RBFOX1: variants seen among roughly 807,000 people sequenced by gnomAD.
The protein encoded by RBFOX1 is RNA binding protein fox-1 homolog 1.
RBFOX1 carries 8 observed loss-of-function variants against 57.7 expected under a neutral mutation model. That is an observed-to-expected ratio of 0.14 (90% CI 0.08 to 0.25). The LOEUF (loss-of-function observed/expected upper bound fraction) is 0.25, where lower values mean the gene tolerates loss of function less well. RBFOX1 is among the 10% of genes least tolerant of loss of function. RBFOX1 has a pLI of 1.00. For synonymous variants in RBFOX1, 326 were observed against 222.4 expected, an observed-to-expected ratio of 1.47 and a Z score of -4.15; for missense variants, 611 against 548.5, an observed-to-expected ratio of 1.11 and a Z score of -1.14.
chr16:7,045,604 C>T (rs1399932501), intron 3 of RBFOX1, among the ~76,000 whole-genome samples: 2 of 151,950 alleles, frequency 1.3e-5, no homozygotes, highest in African/African-American at 4.8e-5. Context: ...CTGGCAAATC[C>T]TTGTGATATT....
chr16:5,982,125 C>T (rs1225053093), intron 4 of RBFOX1, among the ~76,000 whole-genome samples: 3 of 152,192 alleles, frequency 2.0e-5, no homozygotes, highest in Admixed American at 6.5e-5. Flanking sequence ...GGCCTGTCAG[C>T]TTCTGTGGCA....
At chr16:5,607,327 A>G (rs144627151) in intron 3 of RBFOX1, among the ~76,000 whole-genome samples, 361 of 152,284 alleles carry the variant, frequency 2.4e-3, no homozygotes, top group Non-Finnish European at 3.5e-3. Flanking sequence ...TGTTGGCCAC[A>G]TGGTTCTGAT....
chr16:6,345,161 C>G (rs1288322619), intron 2 of RBFOX1, among the ~76,000 whole-genome samples: 1 of 152,194 alleles, frequency 6.6e-6, no homozygotes, highest in Non-Finnish European at 1.5e-5. Context: ...ACAGCTCCTG[C>G]TGCAGAGTAG....
At chr16:7,167,178 A>T (rs1483788101) in intron 4 of RBFOX1, among the ~76,000 whole-genome samples, 1 of 150,234 alleles carries the variant, frequency 6.7e-6, no homozygotes, top group African/African-American at 2.5e-5. Flanking sequence ...TAGAGAAGGG[A>T]TTTCTCCGTG....
intron 1 of RBFOX1, among the ~76,000 whole-genome samples, chr16:6,185,417 C>A (rs2152800091): frequency 6.6e-6 from 1 of 152,322 alleles, no homozygotes; most frequent in East Asian, 1.9e-4. Flanking sequence ...TGATTATCTC[C>A]ATTTTACAAT....
chr16:7,615,891 A>G lies in RBFOX1; in HGVS notation c.676+8553A>G, dbSNP rs1172432661. Among the ~76,000 whole-genome samples, 3 of 152,308 alleles carry G rather than the reference A, an allele frequency of 2.0e-5. No individual in the cohort carries two copies. In the East Asian group the frequency reaches 5.8e-4, roughly 29 times the overall value. On this transcript the variant is annotated intron_variant, in intron 10 of 15. Coordinates refer to ENST00000550418, the MANE Select transcript of RBFOX1 (RefSeq NM_018723.4). ...GAGAAATTCTGTCCTCATTGACGCTATTCGAGATGCCACATATTCACGGAA... is the reference window on the plus strand; with the variant it reads ...GAGAAATTCTGTCCTCATTGACGCTGTTCGAGATGCCACATATTCACGGAA...
At chr16:6,394,971 T>C (rs1483337440) in intron 2 of RBFOX1, among the ~76,000 whole-genome samples, 1 of 152,236 alleles carries the variant, frequency 6.6e-6, no homozygotes, top group Non-Finnish European at 1.5e-5. Flanking sequence ...TAAATATTAT[T>C]ATTGCCCTTG....
At chr16:6,495,312 T>C (rs2095739375) in intron 2 of RBFOX1, among the ~76,000 whole-genome samples, 1 of 151,992 alleles carries the variant, frequency 6.6e-6, no homozygotes, top group African/African-American at 2.4e-5. Context: ...AGAGATGGGG[T>C]TTCACCATGT....
chr16:5,432,448 G>C lies in RBFOX1; in HGVS notation c.220-34768G>C, dbSNP rs1033771737. Among the ~76,000 whole-genome samples, 23 of 150,644 alleles carry C rather than the reference G, an allele frequency of 1.5e-4. 1 individual carries two copies. Among genetic ancestry groups the C allele is most frequent in the South Asian group, 1.5e-3 (7 of 4,776 alleles). ...TATTTATTGTCCGTCATTATCCCTT[G>C]TCTATTGCTTTTTATTGGTGTTGGA... On this transcript the variant is annotated intron_variant, in intron 1 of 2. Coordinates refer to the RBFOX1 transcript ENST00000585867.
intron 5 of RBFOX1, among the ~76,000 whole-genome samples, chr16:7,545,317 T>TG (rs142571383): frequency 6.6e-6 from 1 of 151,692 alleles, no homozygotes; most frequent in Non-Finnish European, 1.5e-5. Context: ...GTGCGGGTCA[T>TG]GGGGGTGGAG....
intron 1 of RBFOX1, among the ~76,000 whole-genome samples, chr16:5,395,538 C>T (rs181766437): frequency 6.6e-6 from 1 of 152,132 alleles, no homozygotes; most frequent in African/African-American, 2.4e-5. Flanking sequence ...TTTAGGTTTT[C>T]TAGCCTTAGG....
At chr16:5,474,650 G>A (rs777931766) in intron 2 of RBFOX1, among the ~76,000 whole-genome samples, 2 of 148,852 alleles carry the variant, frequency 1.3e-5, no homozygotes, top group South Asian at 2.1e-4. Flanking sequence ...GCGAGACTTC[G>A]TCTCAAAAAA....
chr16:5,377,031 T>A (rs1044251263), intron 1 of RBFOX1, among the ~76,000 whole-genome samples: 4 of 151,554 alleles, frequency 2.6e-5, no homozygotes, highest in Admixed American at 1.3e-4. Flanking sequence ...CATCTCAGGA[T>A]CCACTTCTGG....
chr16:6,169,644 C>A (rs568394725), intron 1 of RBFOX1, among the ~76,000 whole-genome samples: 5 of 152,208 alleles, frequency 3.3e-5, no homozygotes, highest in African/African-American at 1.2e-4. Flanking sequence ...TTGGTTACAG[C>A]TCCGCGTTTG....
At chr16:7,132,984 G>A (rs540083680) in intron 4 of RBFOX1, among the ~76,000 whole-genome samples, 17 of 152,242 alleles carry the variant, frequency 1.1e-4, no homozygotes, top group African/African-American at 2.2e-4. Context: ...AAAACAAACC[G>A]TTATACCAGG....
At chr16:6,919,923 TC>T (rs1284591447) in intron 3 of RBFOX1, among the ~76,000 whole-genome samples, 1 of 152,098 alleles carries the variant, frequency 6.6e-6, no homozygotes, top group Non-Finnish European at 1.5e-5. Flanking sequence ...TCATCTTTTA[TC>T]CTTTACCCCC....
intron 5 of RBFOX1, among the ~76,000 whole-genome samples, chr16:7,551,295 C>G (rs1330311398): frequency 6.6e-6 from 1 of 151,996 alleles, no homozygotes; most frequent in Non-Finnish European, 1.5e-5. Flanking sequence ...AGTCACCATA[C>G]AAGCAACAGT....
At chr16:7,696,301 T>C (rs1190399834) in intron 14 of RBFOX1, among the ~76,000 whole-genome samples, 1 of 152,198 alleles carries the variant, frequency 6.6e-6, no homozygotes. Flanking sequence ...CACCTCCTAA[T>C]GCATCCAGCT....
downstream of RBFOX1, among the ~76,000 whole-genome samples, chr16:5,603,743 AGT>A (rs1186191041): frequency 1.3e-5 from 2 of 152,166 alleles, no homozygotes; most frequent in African/African-American, 4.8e-5. Context: ...TAAACATTGC[AGT>A]CATCTGTGAT....
Sources: gnomAD v4.1 joint callset for allele counts (sites outside exome capture counted in the v4.1 genomes callset) on GRCh38, gnomAD v4.1.1 for gene constraint, MANE v1.5 for transcripts, NCBI Gene and HGNC (gene_info 2026-07-23, HGNC 2026-07-21) for gene names.